CSMD1: variants seen among roughly 807,000 people sequenced by gnomAD.
CSMD1 encodes CUB and sushi domain-containing protein 1.
A neutral mutation model predicts 417.5 loss-of-function variants in CSMD1; 213 were observed. The ratio of observed to expected loss-of-function variants is 0.51; its 90% CI spans 0.46 to 0.57. The LOEUF is 0.57. Among genes scored for constraint, CSMD1 ranks in the 20% least tolerant of loss-of-function variants. The pLI is 0.00. For synonymous variants in CSMD1, 2,862 were observed against 1,736.8 expected (o/e 1.65, Z -16.11); for missense variants, 6,923 against 4,529.7 (o/e 1.53, Z -15.17).
intron 3 of CSMD1, among the ~76,000 whole-genome samples, chr8:4,194,448 G>T (rs900012668): frequency 6.6e-6 from 1 of 152,092 alleles, no homozygotes; most frequent in Non-Finnish European, 1.5e-5. Context: ...TGGTGACAAA[G>T]GCCTGAATTA....
intron 30 of CSMD1, among the ~76,000 whole-genome samples, chr8:3,211,205 C>G (rs4319125): frequency 0.21 from 32,582 of 151,964 alleles, 3,677 homozygotes; most frequent in South Asian, 0.31. Flanking sequence ...CCACCCCACA[C>G]AGCTAATTTT....
chr8:4,573,724 C>T (rs765176659), intron 2 of CSMD1, among the ~76,000 whole-genome samples: 34 of 152,122 alleles, frequency 2.2e-4, no homozygotes, highest in Non-Finnish European at 3.2e-4. Context: ...GCACCCACAG[C>T]CACTCCTTCC....
intron 3 of CSMD1, among the ~76,000 whole-genome samples, chr8:4,126,356 G>C (rs965499104): frequency 6.6e-6 from 1 of 152,174 alleles, no homozygotes; most frequent in African/African-American, 2.4e-5. Context: ...GCATGGTTAC[G>C]AGACCTGTCT....
intron 12 of CSMD1, among the ~76,000 whole-genome samples, chr8:3,445,915 C>T (rs1229492254): frequency 2.0e-5 from 3 of 152,056 alleles, no homozygotes; most frequent in Admixed American, 6.6e-5. Context: ...ATCTTGACTC[C>T]AAAGAAGATT....
chr8:3,332,898 G>A (rs1585013150), intron 23 of CSMD1, among the ~76,000 whole-genome samples: 1 of 152,182 alleles, frequency 6.6e-6, no homozygotes, highest in Non-Finnish European at 1.5e-5. Context: ...GCAAGTGTGA[G>A]AGCACCAGAT....
At chr8:4,944,977 A>C (rs1189484634) in intron 1 of CSMD1, among the ~76,000 whole-genome samples, 2 of 152,226 alleles carry the variant, frequency 1.3e-5, no homozygotes, top group East Asian at 3.8e-4. Context: ...GAGCTATTCA[A>C]AACAGACGAG....
chr8:3,729,127 T>A (rs754955160), intron 6 of CSMD1, among the ~76,000 whole-genome samples: 1 of 152,218 alleles, frequency 6.6e-6, no homozygotes, highest in African/African-American at 2.4e-5. Flanking sequence ...TAGACAACTT[T>A]CAGAAAACTC....
intron 2 of CSMD1, among the ~76,000 whole-genome samples, chr8:4,477,141 G>A (rs1340066817): frequency 2.0e-5 from 3 of 152,178 alleles, no homozygotes; most frequent in Non-Finnish European, 4.4e-5. Flanking sequence ...TTTATCCAGT[G>A]GGCATTCTGT....
At chr8:4,126,335 G>A (rs900084873) in intron 3 of CSMD1, among the ~76,000 whole-genome samples, 1 of 152,184 alleles carries the variant, frequency 6.6e-6, no homozygotes, top group African/African-American at 2.4e-5. Flanking sequence ...AGGGGGCAAG[G>A]TGAACCCACT....
intron 3 of CSMD1, among the ~76,000 whole-genome samples, chr8:4,398,786 C>T (rs942788193): frequency 2.0e-5 from 3 of 152,194 alleles, no homozygotes; most frequent in African/African-American, 4.8e-5. Flanking sequence ...CAGCACTGTT[C>T]TTTCACCTAT....
intron 7 of CSMD1, among the ~76,000 whole-genome samples, chr8:3,679,858 A>G (rs1420565556): frequency 1.3e-5 from 2 of 152,238 alleles, no homozygotes; most frequent in Non-Finnish European, 2.9e-5. Flanking sequence ...GTGCAATCAA[A>G]CAAGAACTCA....
chr8:3,147,707 G>A (rs1359804711), intron 40 of CSMD1, among the ~76,000 whole-genome samples: 1 of 152,184 alleles, frequency 6.6e-6, no homozygotes, highest in Non-Finnish European at 1.5e-5. Context: ...CACTCTCTTA[G>A]GGTCTAAGGC....
intron 3 of CSMD1, among the ~76,000 whole-genome samples, chr8:4,347,676 A>G (rs565031600): frequency 6.6e-6 from 1 of 152,322 alleles, no homozygotes; most frequent in Admixed American, 6.5e-5. Flanking sequence ...TGCAATTGCA[A>G]TGACTCCTAT....
intron 3 of CSMD1, among the ~76,000 whole-genome samples, chr8:4,264,012 T>C (rs908134919): frequency 2.0e-5 from 3 of 152,164 alleles, no homozygotes; most frequent in African/African-American, 7.2e-5. Flanking sequence ...AATCAGATCG[T>C]TCTTATTGAC....
intron 5 of CSMD1, among the ~76,000 whole-genome samples, chr8:3,796,585 A>G (rs139385721): frequency 0.016 from 2,316 of 146,574 alleles, 62 homozygotes; most frequent in African/African-American, 0.053. Flanking sequence ...AAGATATAAT[A>G]TATAGATATA....
chr8:3,737,174 T>C (rs769076584), intron 6 of CSMD1, among the ~76,000 whole-genome samples: 3 of 152,222 alleles, frequency 2.0e-5, no homozygotes, highest in Admixed American at 6.5e-5. Flanking sequence ...AAAATTGCAT[T>C]TCCTACCCTA....
At chr8:4,720,881 TG>T (rs1260076366) in intron 1 of CSMD1, among the ~76,000 whole-genome samples, 2 of 152,192 alleles carry the variant, frequency 1.3e-5, no homozygotes, top group Admixed American at 6.5e-5. Flanking sequence ...GTGCCGTCTC[TG>T]GTACAAACAT....
At chr8:3,807,992 T>A (rs973290554) in intron 5 of CSMD1, among the ~76,000 whole-genome samples, 1 of 152,204 alleles carries the variant, frequency 6.6e-6, no homozygotes, top group African/African-American at 2.4e-5. Context: ...CCTGTGTCAT[T>A]TAAATGCTTT....
At chr8:4,245,692 T>C (rs896666420) in intron 3 of CSMD1, among the ~76,000 whole-genome samples, 4 of 152,162 alleles carry the variant, frequency 2.6e-5, no homozygotes, top group African/African-American at 9.7e-5. Context: ...TAAATTATCC[T>C]ATGTGAGGTA....
Sources: gnomAD v4.1 joint callset for allele counts (sites outside exome capture counted in the v4.1 genomes callset) on GRCh38, gnomAD v4.1.1 for gene constraint, MANE v1.5 for transcripts, NCBI Gene and HGNC (gene_info 2026-07-23, HGNC 2026-07-21) for gene names.